Variants in SETX observed in about 807,000 individuals in gnomAD.
SETX encodes the protein senataxin.
SETX carries 90 observed loss-of-function variants against 227.2 expected under a neutral mutation model. The ratio of observed to expected loss-of-function variants is 0.40; its 90% CI spans 0.33 to 0.47. SETX has a LOEUF of 0.47. SETX is among the 20% of genes least tolerant of loss of function. SETX has a pLI of 0.91. For synonymous variants in SETX, 1,210 were observed against 1,113.2 expected, an observed-to-expected ratio of 1.09 and a Z score of -1.73; for missense variants, 3,052 against 3,181.5, an observed-to-expected ratio of 0.96 and a Z score of 0.98.
At chr9:132,308,083 A>AT (rs1489696330) in intron 11 of SETX, among the ~76,000 whole-genome samples, 1 of 152,212 alleles carries the variant, frequency 6.6e-6, no homozygotes, top group Non-Finnish European at 1.5e-5. Flanking sequence ...GTAGTAGAGA[A>AT]TTTTCTCTCT....
chr9:132,296,991 C>T lies in SETX; in HGVS notation c.5845G>A (p.Val1949Met). The T allele has an allele frequency of 1.2e-6, 2 of 1,613,936 alleles. No homozygotes were observed. Among genetic ancestry groups the T allele is most frequent in the Non-Finnish European group, 8.5e-7 (1 of 1,179,870 alleles). The change falls in exon 14 of 26, where the codon GTG becomes ATG. Residue 1949 changes from valine to methionine, a missense_variant. Val to Met is a conservative substitution (Grantham distance 21, BLOSUM62 1). Coordinates refer to ENST00000224140, the MANE Select transcript of SETX (RefSeq NM_015046.7). ...KKAIETAYAM[V>M]KHSPSVAKIC... ...TTGGCAACTGATGGTGAGTGTTTCA[C>T]CATAGCATATGCAGTTTCTATTGCT...
chr9:132,293,482 C>T (rs1046374776), intron 15 of SETX, among the ~76,000 whole-genome samples: 8 of 152,030 alleles, frequency 5.3e-5, no homozygotes, highest in African/African-American at 1.9e-4. Context: ...AGTTCAAGGG[C>T]GCGATCTCGG....
Position 132,281,456 on chromosome 9 carries a change from A to C in SETX, c.6654+11T>G, listed in dbSNP as rs1333153197. The C allele has an allele frequency of 3.1e-6, 5 of 1,599,952 alleles. No individual in the cohort carries two copies. Among genetic ancestry groups the C allele is most frequent in the Non-Finnish European group, 4.3e-6 (5 of 1,167,182 alleles). ...TTCCATTTTAAAGCAATCTGAACAT[A>C]AAAAACTTACCATAGAGATGACTGT... On this transcript the variant is annotated intron_variant, in intron 20 of 25. Coordinates refer to ENST00000224140, the MANE Select transcript of SETX (RefSeq NM_015046.7).
chr9:132,328,580 T>A lies in SETX; in HGVS notation c.3018A>T (p.Gly1006=). 2 of 1,613,688 alleles carry A rather than the reference T, an allele frequency of 1.2e-6. No homozygotes were observed. Among genetic ancestry groups the A allele is most frequent in the Non-Finnish European group, 1.7e-6 (2 of 1,179,890 alleles). The change falls in exon 10 of 26, where the codon GGA becomes GGT. Residue 1006 remains glycine, a synonymous_variant. Transcript: ENST00000224140. ...TAATAACCTGTCCACGGGAGGTATC[T>A]CCAACATTATTTTGGTTAGCTGTGA... ...RCFTANQNNV[G]DTSRGQVIII...
At position 132,334,675 on chromosome 9, in the gene SETX, C is replaced by G; in HGVS notation, c.771G>C (p.Leu257Phe). Reference sequence around the variant, plus strand: ...AATCATTTTGTTTGTCTGAGCCCAACAACAGGGAATCCATGGCTTGTTCCT... The same window carrying G: ...AATCATTTTGTTTGTCTGAGCCCAAGAACAGGGAATCCATGGCTTGTTCCT... ...ILEEQAMDSLLLGSDKQNDFM... is the reference protein window; with the variant it reads ...ILEEQAMDSLFLGSDKQNDFM... The change falls in exon 7 of 26, where the codon TTG (leucine) becomes TTC (phenylalanine). Residue 257 changes from leucine (L) to phenylalanine (F), a missense_variant. By Grantham distance (22) the Leu-to-Phe change is conservative. This residue lies in a region of SETX where 239 missense variants were observed against 240.8 expected (regional missense o/e 0.99). Coordinates refer to ENST00000224140, the MANE Select transcript of SETX (RefSeq NM_015046.7). 1.9e-6 allele frequency: 3 copies of G among 1,614,108 alleles called. No individual in the cohort carries two copies. Among genetic ancestry groups the G allele is most frequent in the Non-Finnish European group, 1.7e-6 (2 of 1,179,974 alleles).
chr9:132,325,560 A>G (rs1846686903), intron 10 of SETX, among the ~76,000 whole-genome samples: 2 of 152,180 alleles, frequency 1.3e-5, no homozygotes. Flanking sequence ...CCGTGCGTCA[A>G]TAAACATTTC....
Position 132,331,035 on chromosome 9 carries a change from T to C in SETX, c.1098+17A>G, listed in dbSNP as rs779596143. 1 of 1,563,816 alleles carries C rather than the reference T, an allele frequency of 6.4e-7. No homozygotes were observed. The highest frequency in any genetic ancestry group is 8.8e-7 in the Non-Finnish European group (1 of 1,133,764). On this transcript the variant is annotated intron_variant, in intron 9 of 25. Transcript: ENST00000224140. ...AAGGCAATAAAATAGCATCTGAATT[T>C]TCAAAGTGTTTTATACCTTTTTGGT... is the stretch of plus-strand genomic sequence containing the variant.
chr9:132,298,031 C>T, intron 13 of SETX, 49 bp downstream of exon 13: 3 of 1,479,438 alleles, frequency 2.0e-6, no homozygotes, highest in African/African-American at 1.4e-5. Flanking sequence ...AAATATGATG[C>T]TTTAACATCT....
At chr9:132,322,717 AATC>A in intron 10 of SETX, among the ~76,000 whole-genome samples, 1 of 152,344 alleles carries the variant, frequency 6.6e-6, no homozygotes, top group East Asian at 1.9e-4. Flanking sequence ...GACCACCAGA[AATC>A]ATTACCACCT....
At chr9:132,295,730 TACTTGCTAAATGAACTCACAAGCCAC>T (rs1844629968) in intron 15 of SETX, 116 bp downstream of exon 15, 1 of 815,598 alleles carries the variant, frequency 1.2e-6, no homozygotes, top group African/African-American at 1.7e-5. Context: ...TTCAATGAAA[TACTTGCTAAATGAACTCACAAGCCAC>T]AGATTCAAGT....
At chr9:132,315,994 T>C (rs1489212591) in intron 10 of SETX, among the ~76,000 whole-genome samples, 1 of 152,174 alleles carries the variant, frequency 6.6e-6, no homozygotes, top group African/African-American at 2.4e-5. Context: ...AACTTTTAAG[T>C]CTTCTGGGAC....
rs1589624772 is a variant in SETX, at chr9:132,278,090, G to C, written c.6822C>G (p.Asn2274Lys). ...ICLFPSNYVY[N>K]RNLKTNRQTE... ...CTCACCTATTTGTTTTTAAGTTTCTGTTATAAACATAATTAGAAGGGAAGA... is the reference window on the plus strand; with the variant it reads ...CTCACCTATTTGTTTTTAAGTTTCTCTTATAAACATAATTAGAAGGGAAGA... The change falls in exon 21 of 26, where the codon AAC becomes AAG. Residue 2274 changes from asparagine to lysine, a missense_variant. This residue lies in a region of SETX where 412 missense variants were observed against 589.0 expected (regional missense o/e 0.70). Transcript: ENST00000224140. The C allele has an allele frequency of 6.2e-7, 1 of 1,614,038 alleles. No homozygotes were observed. Among genetic ancestry groups the C allele is most frequent in the Non-Finnish European group, 8.5e-7 (1 of 1,179,944 alleles).
At chr9:132,341,779 G>T (rs550089218) in intron 5 of SETX, among the ~76,000 whole-genome samples, 2 of 152,220 alleles carry the variant, frequency 1.3e-5, no homozygotes, top group East Asian at 1.9e-4. Flanking sequence ...GCCTTGCCTG[G>T]AGTATACTTC....
rs578225713 is a variant in SETX at position 132,305,761 on chromosome 9, C to A, written c.5375-4958G>T. On this transcript the variant is annotated intron_variant, in intron 11 of 25. Transcript: ENST00000224140. ...AGAATGAGGACCTAAGTGTCCTAGA[C>A]TGAAGGAAACTAAGAAGACATCACA... Among the ~76,000 whole-genome samples the A allele has an allele frequency of 2.6e-5, 4 of 152,256 alleles. No individual in the cohort carries two copies. The East Asian group carries it at 7.7e-4, about 29-fold the overall frequency.
intron 5 of SETX, among the ~76,000 whole-genome samples, chr9:132,339,040 A>C (rs573787432): frequency 6.6e-6 from 1 of 152,182 alleles, no homozygotes; most frequent in East Asian, 1.9e-4. Flanking sequence ...TGGGCTTTCG[A>C]GCATGAGCGA....
In SETX at chr9:132,284,219, T is replaced by C. The variant is rs146093786; in HGVS notation, c.6397-806A>G. 1.1e-4 allele frequency among the ~76,000 whole-genome samples: 16 copies of C among 152,322 alleles called. No individual in the cohort carries two copies. In the East Asian group the frequency reaches 2.3e-3, roughly 22 times the overall value. On this transcript the variant is annotated intron_variant, in intron 18 of 25. Transcript: ENST00000224140. ...ACCTAGTGAGTACAACTGCTGAGCA[T>C]AGTTTCATGGCCCACAGAACACATG...
chr9:132,331,203 CTT>C, intron 8 of SETX, 64 bp from the exon 9 acceptor site: 3 of 1,606,804 alleles, frequency 1.9e-6, no homozygotes, highest in East Asian at 2.2e-5. Context: ...AGAAACACCT[CTT>C]GTTAAGTAAT....
chr9:132,273,107 C>T (rs571022574), intron 23 of SETX, among the ~76,000 whole-genome samples: 1 of 151,810 alleles, frequency 6.6e-6, no homozygotes, highest in Non-Finnish European at 1.5e-5. Flanking sequence ...CAAAAAACAA[C>T]ACAACACTAA....
rs1842480937 is a variant in SETX, at chr9:132,263,285, C to T, written c.*954G>A. 1 of 152,186 alleles carries T rather than the reference C, an allele frequency of 6.6e-6. No homozygotes were observed. Among genetic ancestry groups the T allele is most frequent in the African/African-American group, 2.4e-5 (1 of 41,434 alleles). 9.4% of individuals were successfully genotyped at this position (152,186 alleles called of 1,614,324 possible). ...AGAATCCCTTGGGAAATGTTGAACA[C>T]ACAGCTTCCCAGGCTTTCTGGAAAA... On this transcript the variant is annotated 3_prime_UTR_variant, in exon 26 of 26. Transcript: ENST00000224140.
Sources: gnomAD v4.1 joint callset for allele counts (sites outside exome capture counted in the v4.1 genomes callset) on GRCh38, gnomAD v4.1.1 for gene constraint, gnomAD v4.1.1 regional missense constraint, MANE v1.5 for transcripts, NCBI Gene and HGNC (gene_info 2026-07-23, HGNC 2026-07-21) for gene names.